SHPK: variants seen among roughly 807,000 people sequenced by gnomAD.
SHPK encodes the protein sedoheptulokinase.
Under a neutral mutation model 46.3 loss-of-function variants are expected in SHPK, and 51 were observed. The observed-to-expected ratio is 1.10, with a 90% CI of 0.88 to 1.39. The LOEUF is 1.39. Among genes scored for constraint, SHPK ranks in the 40% most tolerant of loss-of-function variants. The pLI is 0.00. For missense variants in SHPK, 668 were observed against 641.3 expected, an observed-to-expected ratio of 1.04 and a Z score of -0.45; for synonymous variants, 290 against 273.9, an observed-to-expected ratio of 1.06 and a Z score of -0.58.
chr17:3,615,151 G>A (rs1465000793), intron 6 of SHPK, among the ~76,000 whole-genome samples, 186 bp downstream of exon 6: 1 of 152,164 alleles, frequency 6.6e-6, no homozygotes, highest in East Asian at 1.9e-4. Flanking sequence ...TGGCAGCTTG[G>A]AGGACAAGAA....
intron 5 of SHPK, among the ~76,000 whole-genome samples, chr17:3,617,420 G>C (rs1044682944): frequency 2.6e-5 from 4 of 152,174 alleles, no homozygotes; most frequent in Non-Finnish European, 5.9e-5. Context: ...AGCCATGACA[G>C]AAACTGGAAC....
intron 6 of SHPK, among the ~76,000 whole-genome samples, chr17:3,611,556 C>T (rs1019384205): frequency 5.9e-5 from 9 of 152,058 alleles, no homozygotes; most frequent in Non-Finnish European, 1.0e-4. Context: ...GCAACAAGAG[C>T]AAGACTCCAT....
At chr17:3,615,724 G>A (rs1300344803) in intron 5 of SHPK, among the ~76,000 whole-genome samples, 187 bp from the exon 6 acceptor site, 1 of 151,942 alleles carries the variant, frequency 6.6e-6, no homozygotes, top group Non-Finnish European at 1.5e-5. Flanking sequence ...GCAGTGAGAG[G>A]GGGTGGCCTG....
rs1422553675 is a variant in SHPK at position 3,608,846 on chromosome 17, A to T, written c.*1714T>A. ...CTGTGCCATTGCACAGTCTTCCCAC[A>T]GCAGAGAGGTGTGTTTTATTTAAGG... On this transcript the variant is annotated 3_prime_UTR_variant, in exon 7 of 7. Coordinates refer to ENST00000225519, the MANE Select transcript of SHPK (RefSeq NM_013276.4). 6.6e-6 allele frequency: 1 copy of T among 152,200 alleles called. No individual in the cohort carries two copies. The highest frequency in any genetic ancestry group is 1.5e-5 in the Non-Finnish European group (1 of 68,038). The allele number at this position is 152,200 out of a possible 1,614,324, so 9.4% of individuals were successfully genotyped here. A position where few individuals can be genotyped will look rare whatever the true frequency, so the allele number is the denominator to read the frequency against.
At chr17:3,620,594 G>A (rs916574538) in intron 5 of SHPK, among the ~76,000 whole-genome samples, 3 of 147,408 alleles carry the variant, frequency 2.0e-5, no homozygotes, top group African/African-American at 7.5e-5. Flanking sequence ...ATGGAGTCTC[G>A]CTCTGTCGTC....
At chr17:3,614,323 GA>G (rs2075359165) in intron 6 of SHPK, among the ~76,000 whole-genome samples, 1 of 150,904 alleles carries the variant, frequency 6.6e-6, no homozygotes, top group African/African-American at 2.4e-5. Flanking sequence ...AGGAGATTGA[GA>G]CCATCCTGGC....
chr17:3,610,585 C>G lies in SHPK; in HGVS notation c.1412G>C (p.Arg471Thr). The G allele has an allele frequency of 6.2e-7, 1 of 1,608,072 alleles. No individual in the cohort carries two copies. The change falls in exon 7 of 7, where the codon AGA (arginine) becomes ACA (threonine). Residue 471 changes from arginine (R) to threonine (T), a missense_variant. Coordinates refer to ENST00000225519, the MANE Select transcript of SHPK (RefSeq NM_013276.4). ...CTAAGATTCCTTCTGGTTGAGGTGT[C>G]TCCGGAGCATGACCAGAGCTGCCCC... is the stretch of plus-strand genomic sequence containing the variant. ...AVGAALVMLR[R>T]HLNQKES
Position 3,610,719 on chromosome 17 carries a change from C to T in SHPK, c.1278G>A (p.Arg426=). 3.1e-6 allele frequency: 5 copies of T among 1,614,142 alleles called. No homozygotes were observed. Among genetic ancestry groups the T allele is most frequent in the Non-Finnish European group, 4.2e-6 (5 of 1,180,028 alleles). ...IQQLQEWGVE[R]VMGSGSALSR... is the part of the protein sequence containing the mutation. ...ACAGCGCACTCCCACTGCCCATCAC[C>T]CTCTCCACGCCCCACTCCTGGAGCT... The change falls in exon 7 of 7, where the codon AGG becomes AGA. Residue 426 remains arginine (R), a synonymous_variant. Transcript: ENST00000225519.
intron 3 of SHPK, 24 bp downstream of exon 3, chr17:3,624,024 G>T: frequency 6.3e-7 from 1 of 1,582,686 alleles, no homozygotes; most frequent in South Asian, 1.1e-5. Context: ...CCCAGCACCC[G>T]AGTGAAAGTG....
At chr17:3,632,231 A>T (rs1415299859) in intron 1 of SHPK, among the ~76,000 whole-genome samples, 1 of 152,214 alleles carries the variant, frequency 6.6e-6, no homozygotes, top group Non-Finnish European at 1.5e-5. Flanking sequence ...CTGGCATTAC[A>T]GGCGTGAGCC....
At chr17:3,614,956 A>C (rs1280513585) in intron 6 of SHPK, among the ~76,000 whole-genome samples, 1 of 152,194 alleles carries the variant, frequency 6.6e-6, no homozygotes, top group Non-Finnish European at 1.5e-5. Flanking sequence ...CACCATTGTA[A>C]GTCAAGGAGC....
intron 5 of SHPK, among the ~76,000 whole-genome samples, chr17:3,616,682 T>C (rs2075372937): frequency 1.3e-5 from 2 of 152,352 alleles, no homozygotes; most frequent in South Asian, 2.1e-4. Flanking sequence ...GTTTCATTCA[T>C]TGGCAGTGAA....
chr17:3,635,477 C>T (rs1400760406), intron 1 of SHPK, among the ~76,000 whole-genome samples: 2 of 152,138 alleles, frequency 1.3e-5, no homozygotes, highest in Non-Finnish European at 2.9e-5. Flanking sequence ...CCTCGTGATC[C>T]GCCCGCCTCG....
intron 2 of SHPK, among the ~76,000 whole-genome samples, chr17:3,628,504 G>A (rs777154967): frequency 2.0e-5 from 3 of 151,964 alleles, no homozygotes; most frequent in Non-Finnish European, 4.4e-5. Context: ...TGTATTTTTA[G>A]TAGAGATGGG....
chr17:3,629,253 A>C (rs2075455968), intron 2 of SHPK, among the ~76,000 whole-genome samples: 1 of 152,112 alleles, frequency 6.6e-6, no homozygotes, highest in Non-Finnish European at 1.5e-5. Flanking sequence ...GGTTGTTGGG[A>C]ATATCCGACG....
At chr17:3,633,942 G>C (rs918117118) in intron 1 of SHPK, among the ~76,000 whole-genome samples, 1 of 150,688 alleles carries the variant, frequency 6.6e-6, no homozygotes, top group African/African-American at 2.4e-5. Flanking sequence ...CTTCTGCCTT[G>C]GGATCCTGTT....
intron 1 of SHPK, among the ~76,000 whole-genome samples, chr17:3,631,164 G>A (rs1019656148): frequency 2.6e-5 from 4 of 152,092 alleles, no homozygotes; most frequent in Non-Finnish European, 4.4e-5. Context: ...GGTAGGATGG[G>A]GCAGGGAGTA....
At chr17:3,620,502 G>A (rs1169877617) in intron 5 of SHPK, among the ~76,000 whole-genome samples, 4 of 151,654 alleles carry the variant, frequency 2.6e-5, no homozygotes, top group Non-Finnish European at 4.4e-5. Flanking sequence ...TCCTGACCTC[G>A]TGATCCACCT....
rs370840181 is a variant in SHPK, at chr17:3,610,545, G to A, written c.*15C>T. 2.3e-5 allele frequency: 36 copies of A among 1,582,332 alleles called. No homozygotes were observed. The highest frequency in any genetic ancestry group is 2.9e-5 in the Non-Finnish European group (34 of 1,159,362). ...GTAAAATTCACAGCAGTCGTTTGGCGAAAGAGTTTGCTGTCTAAGATTCCT... is the reference window on the plus strand; with the variant it reads ...GTAAAATTCACAGCAGTCGTTTGGCAAAAGAGTTTGCTGTCTAAGATTCCT... On this transcript the variant is annotated 3_prime_UTR_variant, in exon 7 of 7. Transcript: ENST00000225519.
Sources: allele counts gnomAD v4.1 joint callset (sites outside exome capture counted in the v4.1 genomes callset), GRCh38; gene constraint gnomAD v4.1.1; transcripts MANE v1.5; gene names NCBI Gene and HGNC (gene_info 2026-07-23, HGNC 2026-07-21).